Variants in EIF4G3 observed in about 807,000 individuals in gnomAD.
EIF4G3 encodes eIF-4-gamma 3.
EIF4G3 carries 34 observed loss-of-function variants against 186.4 expected under a neutral mutation model. The ratio of observed to expected loss-of-function variants is 0.18; its 90% CI spans 0.14 to 0.24. The LOEUF is 0.24. Among genes scored for constraint, EIF4G3 ranks in the 10% least tolerant of loss-of-function variants. The pLI, the probability that EIF4G3 is intolerant of heterozygous loss-of-function variation, is 1.00. For synonymous variants in EIF4G3, 673 were observed against 679.5 expected (o/e 0.99, Z 0.15); for missense variants, 1,536 against 1,948.5 (o/e 0.79, Z 3.99).
chr1:20,948,730 C>T (rs1298409925), intron 13 of EIF4G3, among the ~76,000 whole-genome samples: 2 of 151,368 alleles, frequency 1.3e-5, no homozygotes, highest in Non-Finnish European at 2.9e-5. Flanking sequence ...ATTTTTAGTC[C>T]GGGCATGGTG....
intron 2 of EIF4G3, among the ~76,000 whole-genome samples, chr1:21,095,711 GTCAGCACATAT>G (rs2096349215): frequency 1.3e-5 from 2 of 151,912 alleles, no homozygotes; most frequent in African/African-American, 4.8e-5. Context: ...TCAGATACAA[GTCAGCACATAT>G]TGCCAATTGA....
chr1:21,048,006 G>A (rs1430189621), intron 4 of EIF4G3, among the ~76,000 whole-genome samples: 1 of 152,152 alleles, frequency 6.6e-6, no homozygotes, highest in Non-Finnish European at 1.5e-5. Context: ...AGGCAAAATG[G>A]TGGCAAAACA....
chr1:21,105,200 A>G (rs2096593738), intron 2 of EIF4G3, among the ~76,000 whole-genome samples: 1 of 152,256 alleles, frequency 6.6e-6, no homozygotes, highest in Admixed American at 6.5e-5. Context: ...AGGCAGGCAG[A>G]TCATCTGAGG....
intron 12 of EIF4G3, among the ~76,000 whole-genome samples, chr1:20,962,922 T>G (rs1039763772): frequency 6.0e-5 from 9 of 150,848 alleles, no homozygotes; most frequent in African/African-American, 1.5e-4. Context: ...TTTTTTTGTT[T>G]TTTTTTTTTT....
At chr1:21,052,734 CCA>C (rs1454132202) in intron 3 of EIF4G3, among the ~76,000 whole-genome samples, 1 of 152,218 alleles carries the variant, frequency 6.6e-6, no homozygotes, top group Non-Finnish European at 1.5e-5. Flanking sequence ...GCGCGCGCCG[CCA>C]CGCCTGACTG....
At chr1:21,089,747 C>CA (rs200574612) in intron 2 of EIF4G3, among the ~76,000 whole-genome samples, 4,391 of 116,538 alleles carry the variant, frequency 0.038, 129 homozygotes, top group East Asian at 0.16. Flanking sequence ...ACCTCTCTAC[C>CA]AAAAAAAAAA....
At chr1:21,156,328 C>T (rs1304555770) in intron 2 of EIF4G3, among the ~76,000 whole-genome samples, 8 of 152,144 alleles carry the variant, frequency 5.3e-5, no homozygotes, top group Non-Finnish European at 1.2e-4. Flanking sequence ...CCTCATCTTC[C>T]TCAAGTAACC....
At chr1:20,980,894 A>G (rs1437275853) in intron 9 of EIF4G3, among the ~76,000 whole-genome samples, 154 bp downstream of exon 9, 1 of 152,230 alleles carries the variant, frequency 6.6e-6, no homozygotes, top group Non-Finnish European at 1.5e-5. Context: ...CAGCATAATG[A>G]AAAATCACAA....
chr1:21,164,047 T>G (rs752185716), intron 2 of EIF4G3, among the ~76,000 whole-genome samples: 6 of 152,196 alleles, frequency 3.9e-5, no homozygotes, highest in Admixed American at 6.5e-5. Flanking sequence ...GTGCTGGGAT[T>G]ACAAGTGTGA....
chr1:20,964,075 C>T (rs550808236), intron 12 of EIF4G3, among the ~76,000 whole-genome samples: 3 of 152,174 alleles, frequency 2.0e-5, no homozygotes, highest in Non-Finnish European at 4.4e-5. Flanking sequence ...TAGCATATTT[C>T]TAAATACAGG....
intron 31 of EIF4G3, among the ~76,000 whole-genome samples, chr1:20,828,637 G>A (rs1244223729): frequency 1.3e-5 from 2 of 152,072 alleles, no homozygotes; most frequent in South Asian, 2.1e-4. Flanking sequence ...CTAGTGTTTC[G>A]AAGAACAGAG....
chr1:21,058,719 CTTTTTTTTTTTTTTTTT>C (rs66576703), intron 3 of EIF4G3, among the ~76,000 whole-genome samples: 2 of 82,014 alleles, frequency 2.4e-5, no homozygotes, highest in African/African-American at 5.3e-5. Context: ...CTCTCTCTCT[CTTTTTTTTTTTTTTTTT>C]TTTTTTTTTT....
intron 14 of EIF4G3, among the ~76,000 whole-genome samples, chr1:20,938,622 C>CA (rs2095597278): frequency 6.6e-6 from 1 of 152,064 alleles, no homozygotes; most frequent in Non-Finnish European, 1.5e-5. Context: ...TCAAAGTAAA[C>CA]AAGGTATAAT....
rs866341843 is a variant in EIF4G3, at chr1:20,817,253, T to A, written c.4515+139A>T. 1.3e-3 allele frequency: 391 copies of A among 296,406 alleles called. 3 individuals are homozygous for A. Among genetic ancestry groups the A allele is most frequent in the African/African-American group, 4.4e-3 (151 of 34,408 alleles). 18.4% of individuals were successfully genotyped at this position (296,406 alleles called of 1,614,324 possible). On this transcript the variant is annotated intron_variant, in intron 34 of 36. Coordinates refer to ENST00000602326, the MANE Select transcript of EIF4G3 (RefSeq NM_001391906.1). Reference sequence around the variant, plus strand: ...AGAATGATCAATTAAAAAAAAAAAATAAATAAATAAAAAAATAAATAAATA... The same window carrying A: ...AGAATGATCAATTAAAAAAAAAAAAAAAATAAATAAAAAAATAAATAAATA...
chr1:20,880,568 T>C (rs542172284), intron 19 of EIF4G3, among the ~76,000 whole-genome samples: 2 of 152,198 alleles, frequency 1.3e-5, no homozygotes, highest in African/African-American at 2.4e-5. Context: ...CTGGCCGACA[T>C]GGCAAAACCC....
chr1:21,085,351 T>C (rs2095930501), intron 3 of EIF4G3, among the ~76,000 whole-genome samples: 1 of 152,154 alleles, frequency 6.6e-6, no homozygotes, highest in Non-Finnish European at 1.5e-5. Flanking sequence ...GAAAAAACTA[T>C]AAAAAACTAA....
intron 7 of EIF4G3, among the ~76,000 whole-genome samples, chr1:20,991,080 G>C (rs1461963400): frequency 1.3e-5 from 2 of 152,176 alleles, no homozygotes; most frequent in African/African-American, 4.8e-5. Flanking sequence ...ACATCACTCA[G>C]GTGTCAATTT....
chr1:20,874,544 C>T (rs2080203994), intron 20 of EIF4G3, among the ~76,000 whole-genome samples: 1 of 152,066 alleles, frequency 6.6e-6, no homozygotes, highest in Admixed American at 6.6e-5. Flanking sequence ...CTATGAACTG[C>T]CCATATTTTT....
chr1:21,146,361 T>A (rs190708259), intron 2 of EIF4G3, among the ~76,000 whole-genome samples: 1 of 152,284 alleles, frequency 6.6e-6, no homozygotes, highest in African/African-American at 2.4e-5. Context: ...AGACCCTGTC[T>A]CAAAAACTTT....
Sources: gnomAD v4.1 joint callset for allele counts (sites outside exome capture counted in the v4.1 genomes callset) on GRCh38, gnomAD v4.1.1 for gene constraint, MANE v1.5 for transcripts, NCBI Gene and HGNC (gene_info 2026-07-23, HGNC 2026-07-21) for gene names.